The following CLCN1 variants were observed in gnomAD, a reference collection of about 807,000 sequenced individuals.
CLCN1 encodes chloride channel protein 1.
A neutral mutation model predicts 114.5 loss-of-function variants in CLCN1; 100 were observed. The observed-to-expected ratio is 0.87, with a 90% CI of 0.74 to 1.03. The LOEUF (loss-of-function observed/expected upper bound fraction) is 1.03. CLCN1 is among the 50% of genes least tolerant of loss of function. The pLI is 0.00. For synonymous variants in CLCN1, 485 were observed against 487.1 expected, an observed-to-expected ratio of 1.00 and a Z score of 0.06; for missense variants, 1,188 against 1,250.0, an observed-to-expected ratio of 0.95 and a Z score of 0.75.
chr7:143,323,637 G>A, intron 6 of CLCN1: 1 of 646,650 alleles, frequency 1.5e-6, no homozygotes, highest in South Asian at 1.5e-5. Flanking sequence ...GGTCTGGTCT[G>A]TCGTCTGCTC....
intron 1 of CLCN1, among the ~76,000 whole-genome samples, chr7:143,319,131 G>C (rs975871500): frequency 2.0e-5 from 3 of 152,204 alleles, no homozygotes; most frequent in Non-Finnish European, 4.4e-5. Context: ...GGGGCAGGTA[G>C]GGGTCTAATT....
At chr7:143,327,883 G>A (rs12666873) in intron 7 of CLCN1, among the ~76,000 whole-genome samples, 6,908 of 152,168 alleles carry the variant, frequency 0.045, 211 homozygotes, top group Middle Eastern at 0.092. Context: ...TCAAACTCCC[G>A]GCCTCAAGTG....
Position 143,350,243 on chromosome 7 carries a change from T to C in CLCN1, c.2404-129T>C. 1 of 737,030 alleles carries C rather than the reference T, an allele frequency of 1.4e-6. No homozygotes were observed. Among genetic ancestry groups the C allele is most frequent in the South Asian group, 1.5e-5 (1 of 67,016 alleles). 45.7% of individuals were successfully genotyped at this position (737,030 alleles called of 1,614,324 possible). ...GGAGGAGGTCCTCTGATCTGGGGGA[T>C]CTATGATCAGTTCTTGCATGTTCCC... On this transcript the variant is annotated intron_variant, in intron 20 of 22. Transcript: ENST00000343257. The surrounding 1 kb of genome is among the most constrained non-coding windows in gnomAD (Gnocchi z 5.1).
At chr7:143,331,028 C>T (rs1802709095) in intron 8 of CLCN1, 131 bp downstream of exon 8, 2 of 1,366,956 alleles carry the variant, frequency 1.5e-6, no homozygotes, top group East Asian at 2.3e-5. Context: ...GGACCAAGGC[C>T]CAAGGGTGTA....
rs1291473151 is a variant in CLCN1 at position 143,351,673 on chromosome 7, C to T, written c.2675C>T (p.Ser892Leu). ...CTTGCCAGCTTCCGGAACACGACTT[C>T]AACTCGAAAGAGTACCGGGGCACCT... ...PPLASFRNTTSTRKSTGAPPS... is the reference protein window; with the variant it reads ...PPLASFRNTTLTRKSTGAPPS... Residue 892 changes from serine to leucine, a missense_variant, in exon 23 of 23, where the codon TCA becomes TTA. Transcript: ENST00000343257. The T allele has an allele frequency of 6.2e-7, 1 of 1,614,190 alleles. No homozygotes were observed. The highest frequency in any genetic ancestry group is 1.1e-5 in the South Asian group (1 of 91,082).
chr7:143,346,434 C>A, intron 18 of CLCN1, 145 bp from the exon 19 acceptor site: 1 of 768,436 alleles, frequency 1.3e-6, no homozygotes, highest in Non-Finnish European at 2.3e-6. Context: ...GGAGTGGGAG[C>A]AGAGGGTGAT....
At position 143,350,685 on chromosome 7, in the gene CLCN1, G is replaced by A; in HGVS notation, c.2595+31G>A. ...CACGATGTGTCCCATTTGAGCAGCA[G>A]GAGGGAGGCTGGGCATAGGATAAGG... On this transcript the variant is annotated intron_variant, in intron 22 of 22. Coordinates refer to ENST00000343257, the MANE Select transcript of CLCN1 (RefSeq NM_000083.3). This position sits in a 1 kb window ranked among gnomAD's most constrained non-coding sequence, Gnocchi z 5.1. 1 of 1,550,838 alleles carries A rather than the reference G, an allele frequency of 6.4e-7. No homozygotes were observed. The highest frequency in any genetic ancestry group is 8.9e-7 in the Non-Finnish European group (1 of 1,122,726).
intron 17 of CLCN1, 125 bp from the exon 18 acceptor site, chr7:143,346,015 T>C (rs1803232854): frequency 1.8e-5 from 15 of 824,592 alleles, no homozygotes; most frequent in Non-Finnish European, 2.9e-5. Flanking sequence ...CAAAGGGATA[T>C]AGGAATTTCT....
Position 143,339,499 on chromosome 7 carries a change from T to C in CLCN1, c.1472-12T>C. The C allele has an allele frequency of 6.3e-7, 1 of 1,596,378 alleles. No homozygotes were observed. Among genetic ancestry groups the C allele is most frequent in the Non-Finnish European group, 8.6e-7 (1 of 1,163,812 alleles). On this transcript the variant is annotated splice_polypyrimidine_tract_variant and intron_variant, in intron 13 of 22. Transcript: ENST00000343257. This position sits in a 1 kb window ranked among gnomAD's most constrained non-coding sequence, Gnocchi z 4.1. Reference sequence around the variant, plus strand: ...TCTCGTAACACCTTCCTTCCTTTTATCTTCCCTCTAGGAGCTGCATTTGGA... The same window carrying C: ...TCTCGTAACACCTTCCTTCCTTTTACCTTCCCTCTAGGAGCTGCATTTGGA...
intron 12 of CLCN1, among the ~76,000 whole-genome samples, chr7:143,336,777 A>G (rs1413790675): frequency 1.3e-5 from 2 of 152,144 alleles, no homozygotes. Context: ...TCATGTGTCA[A>G]CCTTTGTGCT....
At chr7:143,336,954 T>C (rs540816391) in intron 12 of CLCN1, among the ~76,000 whole-genome samples, 3 of 152,354 alleles carry the variant, frequency 2.0e-5, no homozygotes, top group African/African-American at 7.2e-5. Flanking sequence ...TTATGGCTTT[T>C]ATGTACTTAT....
rs1442559621 is a variant in CLCN1, at chr7:143,321,518, C to T, written c.562+25C>T. ...GGTGAGAACTTGCCACCAGACTCGGCCTGAGCTGGGTGGCCTGAGAGGGGC... is the reference window on the plus strand; with the variant it reads ...GGTGAGAACTTGCCACCAGACTCGGTCTGAGCTGGGTGGCCTGAGAGGGGC... On this transcript the variant is annotated intron_variant, in intron 4 of 22. Transcript: ENST00000343257. This position sits in a 1 kb window ranked among gnomAD's most constrained non-coding sequence, Gnocchi z 4.2. The T allele has an allele frequency of 4.3e-6, 7 of 1,613,918 alleles. No individual in the cohort carries two copies. Among genetic ancestry groups the T allele is most frequent in the Non-Finnish European group, 5.9e-6 (7 of 1,180,030 alleles).
chr7:143,316,501 T>C, intron 1 of CLCN1, 109 bp downstream of exon 1: 1 of 1,065,776 alleles, frequency 9.4e-7, no homozygotes. Flanking sequence ...GTTACATTTT[T>C]TTAACTTAAA....
intron 10 of CLCN1, 22 bp from the exon 11 acceptor site, chr7:143,332,397 G>GT: frequency 6.3e-7 from 1 of 1,597,944 alleles, no homozygotes; most frequent in Non-Finnish European, 8.6e-7. Flanking sequence ...AATTGTGGCG[G>GT]TTAACTCTGT....
chr7:143,347,819 G>T (rs780417522), intron 20 of CLCN1, among the ~76,000 whole-genome samples: 2 of 152,008 alleles, frequency 1.3e-5, no homozygotes, highest in Non-Finnish European at 2.9e-5. Context: ...CCTAAACGAG[G>T]TGGTTATCAA....
intron 7 of CLCN1, among the ~76,000 whole-genome samples, chr7:143,326,166 G>A (rs891865142): frequency 1.6e-4 from 24 of 152,144 alleles, no homozygotes; most frequent in African/African-American, 4.3e-4. Flanking sequence ...ACAGGCCTGC[G>A]CCATCACGCC....
rs1266738805 is a variant in CLCN1, at chr7:143,321,335, C to T, written c.434-30C>T. 2 of 1,613,642 alleles carry T rather than the reference C, an allele frequency of 1.2e-6. No homozygotes were observed. Among genetic ancestry groups the T allele is most frequent in the Non-Finnish European group, 1.7e-6 (2 of 1,179,864 alleles). On this transcript the variant is annotated intron_variant, in intron 3 of 22. Coordinates refer to ENST00000343257, the MANE Select transcript of CLCN1 (RefSeq NM_000083.3). The surrounding 1 kb of genome is among the most constrained non-coding windows in gnomAD (Gnocchi z 4.2). Reference sequence around the variant, plus strand: ...GTGGACACGGCTGCTCAGCCATGTTCTGCCTAACCCCAGGCATGTGTCTCC... The same window carrying T: ...GTGGACACGGCTGCTCAGCCATGTTTTGCCTAACCCCAGGCATGTGTCTCC...
chr7:143,325,869 A>T (rs1037127605), intron 7 of CLCN1, among the ~76,000 whole-genome samples: 1 of 152,244 alleles, frequency 6.6e-6, no homozygotes, highest in African/African-American at 2.4e-5. Context: ...TGGTAGAAAA[A>T]GGAAGAAAAA....
At chr7:143,342,555 G>C in intron 16 of CLCN1, 50 bp downstream of exon 16, 1 of 1,603,764 alleles carries the variant, frequency 6.2e-7, no homozygotes, top group South Asian at 1.1e-5. Flanking sequence ...CTGAATAAGG[G>C]TCACATAGAG....
Sources: gnomAD v4.1 joint callset for allele counts (sites outside exome capture counted in the v4.1 genomes callset) on GRCh38, gnomAD v4.1.1 for gene constraint, Gnocchi (gnomAD v3.1) non-coding constraint, MANE v1.5 for transcripts, NCBI Gene and HGNC (gene_info 2026-07-23, HGNC 2026-07-21) for gene names.